The following RCAN2 variants were observed in gnomAD, a reference collection of about 807,000 sequenced individuals.
RCAN2 encodes regulator of calcineurin 2.
A neutral mutation model predicts 23.6 loss-of-function variants in RCAN2; 9 were observed. The observed-to-expected ratio is 0.38, with a 90% CI of 0.23 to 0.67. The LOEUF is 0.67. Ranked by LOEUF, RCAN2 falls within the 30% of genes least tolerant of loss-of-function variation. The pLI is 0.51. For missense variants in RCAN2, 273 were observed against 302.3 expected (o/e 0.90, Z 0.72); for synonymous variants, 109 against 115.7 (o/e 0.94, Z 0.37).
intron 4 of RCAN2, among the ~76,000 whole-genome samples, chr6:46,232,692 C>T (rs1582010109): frequency 1.4e-5 from 2 of 147,728 alleles, no homozygotes; most frequent in African/African-American, 5.0e-5. Context: ...ACTGCGGAGG[C>T]TGAGGCATGA....
intron 2 of RCAN2, among the ~76,000 whole-genome samples, chr6:46,314,751 T>C (rs16874574): frequency 0.012 from 1,774 of 152,346 alleles, 82 homozygotes; most frequent in Admixed American, 0.094. Flanking sequence ...TTTTCCTTCA[T>C]GGGCATCTTG....
chr6:46,284,283 C>A (rs1483778611), intron 2 of RCAN2, among the ~76,000 whole-genome samples: 1 of 152,028 alleles, frequency 6.6e-6, no homozygotes, highest in African/African-American at 2.4e-5. Flanking sequence ...TATTTAGTCT[C>A]GGCAGAGTGG....
chr6:46,278,518 T>G (rs761210810), intron 2 of RCAN2, among the ~76,000 whole-genome samples: 12 of 152,192 alleles, frequency 7.9e-5, no homozygotes, highest in Non-Finnish European at 1.8e-4. Flanking sequence ...CTTCTATAAC[T>G]GCTGTACAAT....
At chr6:46,285,524 T>C (rs968623932) in intron 2 of RCAN2, among the ~76,000 whole-genome samples, 14 of 152,240 alleles carry the variant, frequency 9.2e-5, no homozygotes, top group Non-Finnish European at 1.5e-5. Flanking sequence ...AGGTGATACA[T>C]GGGTCAGTTT....
chr6:46,308,733 A>T (rs1763148374), intron 2 of RCAN2, among the ~76,000 whole-genome samples: 1 of 152,202 alleles, frequency 6.6e-6, no homozygotes, highest in Non-Finnish European at 1.5e-5. Context: ...AAAGAACAAA[A>T]GTACTTTTCT....
chr6:46,297,538 G>A (rs1762762663), intron 2 of RCAN2, among the ~76,000 whole-genome samples: 1 of 152,048 alleles, frequency 6.6e-6, no homozygotes, highest in African/African-American at 2.4e-5. Context: ...AAGGAAAGGG[G>A]AGGAGAAATG....
At position 46,481,021 on chromosome 6, in the gene RCAN2, A is replaced by G. The variant is rs187836287; in HGVS notation, c.-3+10152T>C. ...AGTTCGTGTTTCCGAATTATTTAGAATAAATATGATGGATAGTCAGTTCAT... is the reference window on the plus strand; with the variant it reads ...AGTTCGTGTTTCCGAATTATTTAGAGTAAATATGATGGATAGTCAGTTCAT... On this transcript the variant is annotated intron_variant, in intron 1 of 4. Transcript: ENST00000371374. 2.6e-3 allele frequency among the ~76,000 whole-genome samples: 397 copies of G among 152,330 alleles called. 2 individuals carry two copies. Among genetic ancestry groups the G allele is most frequent in the Non-Finnish European group, 4.8e-3 (324 of 68,026 alleles).
At chr6:46,224,354 G>C (rs1279742410) in intron 4 of RCAN2, among the ~76,000 whole-genome samples, 1 of 152,112 alleles carries the variant, frequency 6.6e-6, no homozygotes, top group Non-Finnish European at 1.5e-5. Flanking sequence ...ATAACTCCCA[G>C]ATATCCTCCT....
intron 2 of RCAN2, 84 bp downstream of exon 2, chr6:46,456,668 A>G (rs1768041106): frequency 9.1e-7 from 1 of 1,096,284 alleles, no homozygotes; most frequent in East Asian, 2.6e-5. Context: ...AAACTTCAAA[A>G]CACCAACCAC....
At chr6:46,277,502 G>T (rs1411396018) in intron 2 of RCAN2, among the ~76,000 whole-genome samples, 1 of 152,078 alleles carries the variant, frequency 6.6e-6, no homozygotes, top group African/African-American at 2.4e-5. Flanking sequence ...AATGGATCAT[G>T]AAGAACAATG....
chr6:46,316,663 T>C (rs1763448908), intron 2 of RCAN2, among the ~76,000 whole-genome samples: 1 of 152,238 alleles, frequency 6.6e-6, no homozygotes, highest in Non-Finnish European at 1.5e-5. Flanking sequence ...ATTCAATGTA[T>C]ATTTGCTGAA....
chr6:46,288,053 A>G (rs999282694), intron 2 of RCAN2, among the ~76,000 whole-genome samples: 1 of 152,166 alleles, frequency 6.6e-6, no homozygotes, highest in African/African-American at 2.4e-5. Flanking sequence ...TATTCATCCA[A>G]TGAATATATT....
At position 46,414,241 on chromosome 6, in the gene RCAN2, T is replaced by C. The variant is rs145769372; in HGVS notation, c.225+42511A>G. 1.6e-3 allele frequency among the ~76,000 whole-genome samples: 236 copies of C among 152,250 alleles called. 3 individuals are homozygous for C. Among genetic ancestry groups the C allele is most frequent in the Admixed American group, 0.013 (205 of 15,300 alleles). On this transcript the variant is annotated intron_variant, in intron 2 of 4. Coordinates refer to ENST00000371374, the MANE Select transcript of RCAN2 (RefSeq NM_001251974.2). ...GCAGATATCATGAATTATACAAATA[T>C]AAATGAGGAACAATAGCTGCCATTA... is the stretch of plus-strand genomic sequence containing the variant.
At chr6:46,488,177 C>T (rs1769045722) in intron 1 of RCAN2, among the ~76,000 whole-genome samples, 1 of 152,174 alleles carries the variant, frequency 6.6e-6, no homozygotes. Context: ...GCTATTAATT[C>T]ACATTGGTAA....
At chr6:46,268,170 C>T (rs184594657) in intron 2 of RCAN2, among the ~76,000 whole-genome samples, 102 of 152,260 alleles carry the variant, frequency 6.7e-4, no homozygotes, top group African/African-American at 1.6e-3. Context: ...ACTTCATTAA[C>T]GGCACAAATT....
chr6:46,249,627 G>A (rs542916448), intron 2 of RCAN2, among the ~76,000 whole-genome samples: 2 of 152,044 alleles, frequency 1.3e-5, no homozygotes, highest in South Asian at 2.1e-4. Flanking sequence ...GCCTAGGGAG[G>A]GGTGGGCACT....
intron 2 of RCAN2, among the ~76,000 whole-genome samples, chr6:46,416,123 C>T (rs1185050901): frequency 6.6e-6 from 1 of 151,920 alleles, no homozygotes; most frequent in African/African-American, 2.4e-5. Context: ...GATTCAGAAC[C>T]CATGGATACT....
Position 46,221,676 on chromosome 6 carries a change from C to A in RCAN2, c.*1465G>T. 2 of 362,464 alleles carry A rather than the reference C, an allele frequency of 5.5e-6. No homozygotes were observed. Among genetic ancestry groups the A allele is most frequent in the Non-Finnish European group, 9.8e-6 (2 of 203,272 alleles). 22.5% of individuals were successfully genotyped at this position (362,464 alleles called of 1,614,324 possible). A position where few individuals can be genotyped will look rare whatever the true frequency, so the allele number is the denominator to read the frequency against. ...AACTAACATACACCTTAGTCAAAAA[C>A]CACAACAATCCCTCAATCTGTTTGC... On this transcript the variant is annotated 3_prime_UTR_variant, in exon 5 of 5. Transcript: ENST00000371374.
chr6:46,342,422 C>G (rs571523725), intron 2 of RCAN2, among the ~76,000 whole-genome samples: 23 of 151,296 alleles, frequency 1.5e-4, no homozygotes, highest in African/African-American at 5.6e-4. Context: ...ACTGGTGGCT[C>G]ATGCCTGTAG....
Sources: gnomAD v4.1 joint callset for allele counts (sites outside exome capture counted in the v4.1 genomes callset) on GRCh38, gnomAD v4.1.1 for gene constraint, MANE v1.5 for transcripts, NCBI Gene and HGNC (gene_info 2026-07-23, HGNC 2026-07-21) for gene names.